The following IL34 variants were observed in gnomAD, a reference collection of about 807,000 sequenced individuals.
IL34 encodes the protein interleukin-34.
Under a neutral mutation model 25.3 loss-of-function variants are expected in IL34, and 17 were observed. The observed-to-expected ratio is 0.67, with a 90% CI of 0.46 to 1.01. The LOEUF (loss-of-function observed/expected upper bound fraction) is 1.01, where lower values mean the gene tolerates loss of function less well. Ranked by LOEUF, IL34 falls within the 50% of genes least tolerant of loss-of-function variation. IL34 has a pLI of 0.00. For missense variants in IL34, 368 were observed against 312.9 expected (o/e 1.18, Z -1.33); for synonymous variants, 174 against 140.9 (o/e 1.23, Z -1.66).
chr16:70,657,144 A>C, intron 4 of IL34, 23 bp downstream of exon 4: 1 of 1,608,818 alleles, frequency 6.2e-7, no homozygotes, highest in African/African-American at 1.3e-5. Flanking sequence ...GAGGAGTGGC[A>C]GGTGGGGTGT....
At chr16:70,592,739 C>G (rs1447296260) in intron 1 of IL34, among the ~76,000 whole-genome samples, 2 of 152,180 alleles carry the variant, frequency 1.3e-5, no homozygotes, top group African/African-American at 4.8e-5. Context: ...ACTGCAGCCT[C>G]TGCCTCCTGG....
chr16:70,610,166 C>G (rs569570475), intron 1 of IL34, among the ~76,000 whole-genome samples: 59 of 151,696 alleles, frequency 3.9e-4, no homozygotes, highest in African/African-American at 1.3e-3. Context: ...TGCGCCACTC[C>G]ACTCCAGCCT....
intron 1 of IL34, among the ~76,000 whole-genome samples, chr16:70,624,694 T>A (rs1191783347): frequency 1.3e-5 from 2 of 152,006 alleles, no homozygotes; most frequent in African/African-American, 4.8e-5. Context: ...AAGAATAAAT[T>A]GCTGGACAGG....
At chr16:70,590,205 C>A (rs2050736811) in intron 1 of IL34, among the ~76,000 whole-genome samples, 1 of 152,140 alleles carries the variant, frequency 6.6e-6, no homozygotes. Flanking sequence ...TGGGGCCCTG[C>A]TTGGGGGATT....
intron 1 of IL34, among the ~76,000 whole-genome samples, chr16:70,651,946 A>T (rs1441489349): frequency 6.6e-6 from 1 of 151,212 alleles, no homozygotes; most frequent in Non-Finnish European, 1.5e-5. Flanking sequence ...CAACCTGGTG[A>T]AACCCCGTCT....
At chr16:70,586,851 G>A (rs1249744564) in intron 1 of IL34, among the ~76,000 whole-genome samples, 1 of 152,240 alleles carries the variant, frequency 6.6e-6, no homozygotes, top group Non-Finnish European at 1.5e-5. Flanking sequence ...GGAGGTGGCA[G>A]TGATGAGATG....
chr16:70,627,404 C>G (rs534569537), intron 1 of IL34, among the ~76,000 whole-genome samples: 49 of 151,902 alleles, frequency 3.2e-4, no homozygotes, highest in African/African-American at 1.1e-3. Flanking sequence ...CTATCCCTCC[C>G]TCCCTCCAAA....
chr16:70,585,483 T>A (rs1222338556), intron 1 of IL34, among the ~76,000 whole-genome samples: 3 of 151,894 alleles, frequency 2.0e-5, no homozygotes, highest in African/African-American at 7.2e-5. Flanking sequence ...ACGAGGAGAT[T>A]GAGACCATCC....
At chr16:70,619,090 G>C (rs960321723) in intron 1 of IL34, among the ~76,000 whole-genome samples, 2 of 152,174 alleles carry the variant, frequency 1.3e-5, no homozygotes, top group African/African-American at 4.8e-5. Context: ...TGTAAGGCTT[G>C]TCTGGTTTTA....
chr16:70,658,731 A>G (rs2052300765), intron 4 of IL34, among the ~76,000 whole-genome samples: 1 of 152,094 alleles, frequency 6.6e-6, no homozygotes, highest in Non-Finnish European at 1.5e-5. Flanking sequence ...TCAGCCTCCC[A>G]AAGTGCTGGG....
At chr16:70,632,893 C>T (rs35794088) in intron 1 of IL34, among the ~76,000 whole-genome samples, 43,287 of 152,062 alleles carry the variant, frequency 0.28, 6,478 homozygotes, top group South Asian at 0.45. Context: ...TTGCTGTTTC[C>T]AACCAGCAAT....
At chr16:70,599,490 G>A (rs961564026) in intron 1 of IL34, among the ~76,000 whole-genome samples, 1 of 150,920 alleles carries the variant, frequency 6.6e-6, no homozygotes, top group Admixed American at 6.6e-5. Context: ...CAAAGTAGCT[G>A]TGACTACAGG....
Position 70,646,858 on chromosome 16 carries a change from GC to G in IL34, c.-86del. 1 of 1,285,446 alleles carries G rather than the reference GC, an allele frequency of 7.8e-7. No homozygotes were observed. Among genetic ancestry groups the G allele is most frequent in the South Asian group, 1.5e-5 (1 of 64,520 alleles). The allele number at this position is 1,285,446 out of a possible 1,614,324, so 79.6% of individuals were successfully genotyped here. On this transcript the variant is annotated 5_prime_UTR_variant, in exon 1 of 6. Coordinates refer to ENST00000288098, the MANE Select transcript of IL34 (RefSeq NM_001393494.1). ...CCCTGACTGAGTGACCACCTCTGCT[GC>G]CCCGAGGCCATGTAGGCCGTGCTTA...
At chr16:70,617,356 G>T (rs1397930873) in intron 1 of IL34, among the ~76,000 whole-genome samples, 1 of 152,190 alleles carries the variant, frequency 6.6e-6, no homozygotes, top group Non-Finnish European at 1.5e-5. Flanking sequence ...ATAGCACGAG[G>T]AGATATCAGC....
intron 1 of IL34, 22 bp from the exon 2 acceptor site, chr16:70,654,516 T>C: frequency 1.3e-6 from 2 of 1,592,926 alleles, no homozygotes; most frequent in Non-Finnish European, 1.7e-6. Flanking sequence ...GCTCATGTGC[T>C]CTTGTCGGGT....
At chr16:70,647,105 A>G in intron 1 of IL34, 130 bp downstream of exon 1, 1 of 832,314 alleles carries the variant, frequency 1.2e-6, no homozygotes, top group Non-Finnish European at 1.7e-6. Flanking sequence ...CGGACTGCAG[A>G]CACCCTCTGA....
chr16:70,646,205 C>T (rs374999413), upstream of IL34, among the ~76,000 whole-genome samples: 12 of 152,222 alleles, frequency 7.9e-5, no homozygotes, highest in Admixed American at 4.6e-4. Flanking sequence ...CCATTGCGTC[C>T]GGCTTGTTTT....
chr16:70,636,780 CAAAACAAAACAA>C (rs1261679717), intron 1 of IL34, among the ~76,000 whole-genome samples: 4 of 151,698 alleles, frequency 2.6e-5, no homozygotes, highest in African/African-American at 7.3e-5. Context: ...ACAAACAAAA[CAAAACAAAACAA>C]AAAACAAAAC....
upstream of IL34, among the ~76,000 whole-genome samples, chr16:70,645,467 G>GAAC (rs1392619703): frequency 4.6e-5 from 7 of 152,188 alleles, no homozygotes; most frequent in Admixed American, 1.3e-4. Flanking sequence ...GGATGGAAGA[G>GAAC]AACTAAATCA....
Sources: gnomAD v4.1 joint callset for allele counts (sites outside exome capture counted in the v4.1 genomes callset) on GRCh38, gnomAD v4.1.1 for gene constraint, MANE v1.5 for transcripts, NCBI Gene and HGNC (gene_info 2026-07-23, HGNC 2026-07-21) for gene names.